Variants in OXSM observed in about 807,000 individuals in gnomAD.
OXSM encodes 3-oxoacyl-[acyl-carrier-protein] synthase, mitochondrial.
Under a neutral mutation model 29.2 loss-of-function variants are expected in OXSM, and 19 were observed. The ratio of observed to expected loss-of-function variants is 0.65; its 90% CI spans 0.45 to 0.96. The LOEUF is 0.96. OXSM is among the 40% of genes least tolerant of loss of function. OXSM has a pLI of 0.00. For synonymous variants in OXSM, 178 were observed against 197.1 expected (o/e 0.90, Z 0.81); for missense variants, 554 against 551.3 (o/e 1.00, Z -0.05).
rs1478728051 is a variant in OXSM at position 25,794,195 on chromosome 3, A to G, written c.1081A>G (p.Lys361Glu). 1.2e-6 allele frequency: 2 copies of G among 1,614,272 alleles called. No individual in the cohort carries two copies. The highest frequency in any genetic ancestry group is 1.7e-5 in the Admixed American group (1 of 60,034). ...ACCATTGGGAGATGCTGCTGAAAAC[A>G]AAGCTATCAAACATCTCTTCAAAGA... ...STPLGDAAEN[K>E]AIKHLFKDHA... The change falls in exon 3 of 3, where the codon AAA becomes GAA. Residue 361 changes from lysine to glutamate, a missense_variant. Coordinates refer to ENST00000280701, the MANE Select transcript of OXSM (RefSeq NM_017897.3).
chr3:25,792,102 CTG>C, intron 2 of OXSM, 105 bp downstream of exon 2: 2 of 944,566 alleles, frequency 2.1e-6, no homozygotes, highest in South Asian at 3.3e-5. Flanking sequence ...TACAGTATCT[CTG>C]TTGTTTTTCT....
chr3:25,791,893 T>C lies in OXSM; in HGVS notation c.873T>C (p.Ala291=). Residue 291 remains alanine, a synonymous_variant, in exon 2 of 3, where the codon GCT becomes GCC. Coordinates refer to ENST00000280701, the MANE Select transcript of OXSM (RefSeq NM_017897.3). ...AVLVLEEYEH[A]VQRRARIYAE... ...TGGTGCTGGAAGAATATGAACATGCTGTTCAAAGAAGAGCCCGGATCTATG... is the reference window on the plus strand; with the variant it reads ...TGGTGCTGGAAGAATATGAACATGCCGTTCAAAGAAGAGCCCGGATCTATG... 6.2e-7 allele frequency: 1 copy of C among 1,609,516 alleles called. No homozygotes were observed. Among genetic ancestry groups the C allele is most frequent in the Non-Finnish European group, 8.5e-7 (1 of 1,180,000 alleles).
At chr3:25,790,862 A>G (rs1360662917) in intron 1 of OXSM, 128 bp from the exon 2 acceptor site, 9 of 636,272 alleles carry the variant, frequency 1.4e-5, no homozygotes, top group Non-Finnish European at 2.4e-5. Flanking sequence ...AATTGAAAGT[A>G]TGTAACATTT....
Position 25,791,294 on chromosome 3 carries a change from G to T in OXSM, c.274G>T (p.Val92Leu), listed in dbSNP as rs1708743161. 6.2e-7 allele frequency: 1 copy of T among 1,614,178 alleles called. No individual in the cohort carries two copies. Among genetic ancestry groups the T allele is most frequent in the African/African-American group, 1.3e-5 (1 of 75,034 alleles). Residue 92 changes from valine (V) to leucine (L), a missense_variant, in exon 2 of 3, where the codon GTG becomes TTG. Transcript: ENST00000280701. ...KSIPCSVAAY[V>L]PRGSDEGQFN... is the part of the protein sequence containing the mutation. ...TATCCCTTGCAGTGTTGCTGCTTATGTGCCAAGAGGTAGTGATGAAGGTCA... is the reference window on the plus strand; with the variant it reads ...TATCCCTTGCAGTGTTGCTGCTTATTTGCCAAGAGGTAGTGATGAAGGTCA...
chr3:25,790,427 A>C, intron 1 of OXSM: 1 of 163,154 alleles, frequency 6.1e-6, no homozygotes, highest in Non-Finnish European at 1.3e-5. Flanking sequence ...AGAAGTTTAG[A>C]GGAGTGGAAA....
Position 25,791,213 on chromosome 3 carries a change from C to T in OXSM, c.193C>T (p.Arg65Cys), listed in dbSNP as rs1325277364. ...LGVGTHLVWD[R>C]LIGGESGIVS... ...TGTTGGAACTCACCTGGTTTGGGAT[C>T]GTCTTATCGGAGGAGAGAGTGGAAT... Residue 65 changes from arginine to cysteine, a missense_variant, in exon 2 of 3, where the codon CGT (arginine) becomes TGT (cysteine). By Grantham distance (180) the Arg-to-Cys change is radical (BLOSUM62 -3). Coordinates refer to ENST00000280701, the MANE Select transcript of OXSM (RefSeq NM_017897.3). The T allele has an allele frequency of 1.2e-6, 2 of 1,614,106 alleles. No individual in the cohort carries two copies. The highest frequency in any genetic ancestry group is 1.3e-5 in the African/African-American group (1 of 75,028).
rs1380742841 is a variant in OXSM, at chr3:25,791,679, T to G, written c.659T>G (p.Phe220Cys). Residue 220 changes from phenylalanine to cysteine, a missense_variant, in exon 2 of 3, where the codon TTT becomes TGT. By Grantham distance (205) the Phe-to-Cys change is radical. Transcript: ENST00000280701. ...GGAGCTCATGCTGTGGGAGACTCATTTAGATTTATAGCCCATGGTGATGCT... is the reference window on the plus strand; with the variant it reads ...GGAGCTCATGCTGTGGGAGACTCATGTAGATTTATAGCCCATGGTGATGCT... ...TTGAHAVGDS[F>C]RFIAHGDADV... 6.2e-7 allele frequency: 1 copy of G among 1,614,006 alleles called. No homozygotes were observed. Among genetic ancestry groups the G allele is most frequent in the Non-Finnish European group, 8.5e-7 (1 of 1,179,930 alleles).
rs772652094 is a variant in OXSM, at chr3:25,791,276, T to G, written c.256T>G (p.Cys86Gly). The change falls in exon 2 of 3, where the codon TGC (cysteine) becomes GGC (glycine). Residue 86 changes from cysteine to glycine, a missense_variant. By Grantham distance (159) the Cys-to-Gly change is radical (BLOSUM62 -3). Transcript: ENST00000280701. ...LVGEEYKSIP[C>G]SVAAYVPRGS... is the part of the protein sequence containing the mutation. ...TGGTGAAGAGTATAAGAGTATCCCT[T>G]GCAGTGTTGCTGCTTATGTGCCAAG... The G allele has an allele frequency of 3.1e-6, 5 of 1,614,132 alleles. No individual in the cohort carries two copies. Among genetic ancestry groups the G allele is most frequent in the Non-Finnish European group, 4.2e-6 (5 of 1,180,052 alleles).
Position 25,794,380 on chromosome 3 carries a change from C to T in OXSM, c.1266C>T (p.Leu422=). Residue 422 remains leucine (L), a synonymous_variant, in exon 3 of 3, where the codon CTC becomes CTT. Coordinates refer to ENST00000280701, the MANE Select transcript of OXSM (RefSeq NM_017897.3). ...ATTGTTCGGAACCAGAATTTGATCT[C>T]AACTATGTTCCACTAAAGGCACAGG... ...NLDCSEPEFD[L]NYVPLKAQEW... is the part of the protein sequence containing the mutation. 1 of 1,614,144 alleles carries T rather than the reference C, an allele frequency of 6.2e-7. No homozygotes were observed.
Position 25,794,410 on chromosome 3 carries a change from G to A in OXSM, c.1296G>A (p.Trp432Ter), listed in dbSNP as rs1708834130. 6.2e-7 allele frequency: 1 copy of A among 1,613,950 alleles called. No individual in the cohort carries two copies. Among genetic ancestry groups the A allele is most frequent in the African/African-American group, 1.3e-5 (1 of 74,934 alleles). The change falls in exon 3 of 3, where the codon TGG becomes TGA. Residue 432 changes from tryptophan to a stop codon, truncating the protein, a stop_gained. Transcript: ENST00000280701. LOFTEE classifies it high-confidence loss of function. The stretch of plus-strand genomic sequence containing the variant: ...ATGTTCCACTAAAGGCACAGGAATG[G>A]AAAACTGAGAAAAGATTTATTGGCC... The part of the protein sequence containing the change: ...LNYVPLKAQE[W>*]KTEKRFIGLT...
Position 25,790,233 on chromosome 3 carries a change from C to T in OXSM, c.-32+86C>T, listed in dbSNP as rs1422401049. On this transcript the variant is annotated intron_variant, in intron 1 of 2. Transcript: ENST00000280701. ...GGGGTTGAATTTCGAGAGGGGAGTC[C>T]GAGGACCTGGGGCCTGATTTCTTTT... 1.5e-5 allele frequency: 6 copies of T among 403,304 alleles called. No individual in the cohort carries two copies. In the East Asian group the frequency reaches 2.8e-4, roughly 19 times the overall value. 25.0% of individuals were successfully genotyped at this position (403,304 alleles called of 1,614,324 possible).
chr3:25,790,923 A>T (rs1708728943), intron 1 of OXSM, 67 bp from the exon 2 acceptor site: 2 of 1,167,240 alleles, frequency 1.7e-6, no homozygotes, highest in Admixed American at 2.3e-5. Context: ...AACACCTTGG[A>T]TGTTTTTCCT....
chr3:25,792,575 C>T (rs1708785276), intron 2 of OXSM, among the ~76,000 whole-genome samples: 1 of 152,124 alleles, frequency 6.6e-6, no homozygotes, highest in Non-Finnish European at 1.5e-5. Context: ...CTCCTGGGCT[C>T]AAGCAATCCT....
At chr3:25,790,287 A>C (rs1378050600) in intron 1 of OXSM, 140 bp downstream of exon 1, 3 of 296,798 alleles carry the variant, frequency 1.0e-5, no homozygotes, top group Non-Finnish European at 1.9e-5. Context: ...CGGGCTGTGT[A>C]CATGTGTGGT....
chr3:25,793,157 T>C (rs996157729), intron 2 of OXSM, among the ~76,000 whole-genome samples: 32 of 151,866 alleles, frequency 2.1e-4, no homozygotes, highest in Non-Finnish European at 4.0e-4. Flanking sequence ...TTCTTTCTTT[T>C]TTTTTTTTTT....
chr3:25,791,626 T>A lies in OXSM; in HGVS notation c.606T>A (p.Asn202Lys), dbSNP rs552836917. 2.5e-6 allele frequency: 4 copies of A among 1,614,196 alleles called. No homozygotes were observed. The Admixed American group carries it at 6.7e-5, about 27-fold the overall frequency. Residue 202 changes from asparagine (N) to lysine (K), a missense_variant, in exon 2 of 3, where the codon AAT (asparagine) becomes AAA (lysine). Coordinates refer to ENST00000280701, the MANE Select transcript of OXSM (RefSeq NM_017897.3). The part of the protein sequence containing the change: ...VSIRYKLKGP[N>K]HAVSTACTTG... ...TTCGATATAAACTCAAGGGCCCAAA[T>A]CATGCAGTATCCACAGCCTGTACCA...
At chr3:25,792,450 T>C (rs975300020) in intron 2 of OXSM, among the ~76,000 whole-genome samples, 1 of 152,218 alleles carries the variant, frequency 6.6e-6, no homozygotes, top group Non-Finnish European at 1.5e-5. Flanking sequence ...TTTAAAATGC[T>C]AATTCTGATT....
intron 2 of OXSM, 31 bp from the exon 3 acceptor site, chr3:25,794,061 T>G: frequency 6.4e-7 from 1 of 1,567,744 alleles, no homozygotes; most frequent in Non-Finnish European, 8.6e-7. Context: ...TTAAACTTAG[T>G]CCTGATAAAT....
Position 25,791,199 on chromosome 3 carries a change from A to G in OXSM, c.179A>G (p.His60Arg), listed in dbSNP as rs752026051. The G allele has an allele frequency of 6.2e-7, 1 of 1,614,170 alleles. No individual in the cohort carries two copies. Among genetic ancestry groups the G allele is most frequent in the Non-Finnish European group, 8.5e-7 (1 of 1,179,994 alleles). Residue 60 changes from histidine to arginine, a missense_variant, in exon 2 of 3, where the codon CAC becomes CGC. His to Arg is a conservative substitution (Grantham distance 29, BLOSUM62 0). Coordinates refer to ENST00000280701, the MANE Select transcript of OXSM (RefSeq NM_017897.3). The stretch of plus-strand genomic sequence containing the variant: ...GTGACTCCTCTTGGTGTTGGAACTC[A>G]CCTGGTTTGGGATCGTCTTATCGGA... ...GLVTPLGVGT[H>R]LVWDRLIGGE...
Sources: allele counts gnomAD v4.1 joint callset (sites outside exome capture counted in the v4.1 genomes callset), GRCh38; gene constraint gnomAD v4.1.1; transcripts MANE v1.5; gene names NCBI Gene and HGNC (gene_info 2026-07-23, HGNC 2026-07-21).